APOL5: variants seen among roughly 807,000 people sequenced by gnomAD.
APOL5 encodes the protein apolipoprotein L5.
A neutral mutation model predicts 35.5 loss-of-function variants in APOL5; 29 were observed. The observed-to-expected ratio is 0.82, with a 90% confidence interval of 0.61 to 1.11. The LOEUF is 1.11. Among genes scored for constraint, APOL5 ranks in the 50% most tolerant of loss-of-function variants. APOL5 has a pLI of 0.00. For missense variants in APOL5, 514 were observed against 530.4 expected (o/e 0.97, Z 0.30); for synonymous variants, 188 against 200.2 (o/e 0.94, Z 0.51).
rs1371751964 is a variant in APOL5 at position 35,726,485 on chromosome 22, G to T, written c.417G>T (p.Leu139=). 3.1e-6 allele frequency: 5 copies of T among 1,614,076 alleles called. No homozygotes were observed. The highest frequency in any genetic ancestry group is 4.2e-6 in the Non-Finnish European group (5 of 1,180,046). The change falls in exon 3 of 5, where the codon CTG becomes CTT. Residue 139 remains leucine (L), a synonymous_variant. Transcript: ENST00000249044. ...ACGAGTTGCTTACCAAGACCAGCCTGGTGGCCAGCTCTTCCGGGGCTGTTT... is the reference window on the plus strand; with the variant it reads ...ACGAGTTGCTTACCAAGACCAGCCTTGTGGCCAGCTCTTCCGGGGCTGTTT... ...TTHELLTKTS[L]VASSSGAVSG...
At chr22:35,725,327 G>A (rs1327835228) in intron 2 of APOL5, among the ~76,000 whole-genome samples, 1 of 151,990 alleles carries the variant, frequency 6.6e-6, no homozygotes, top group African/African-American at 2.4e-5. Flanking sequence ...GTGCAGTGGC[G>A]CTATTTCGGC....
rs769428704 is a variant in APOL5 at position 35,726,989 on chromosome 22, G to A, written c.921G>A (p.Met307Ile). 2.5e-6 allele frequency: 4 copies of A among 1,614,174 alleles called. No individual in the cohort carries two copies. Among genetic ancestry groups the A allele is most frequent in the African/African-American group, 1.3e-5 (1 of 75,060 alleles). ...CTGGCTTCTTACTTATGAAAGACAT[G>A]AGCAGCTTCCTGCAGAGCTGGAAGC... ...AGAGFLLMKD[M>I]SSFLQSWKHL... The change falls in exon 3 of 5, where the codon ATG becomes ATA. Residue 307 changes from methionine (M) to isoleucine (I), a missense_variant. Met to Ile is a conservative substitution (Grantham distance 10). Coordinates refer to ENST00000249044, the MANE Select transcript of APOL5 (RefSeq NM_030642.1).
chr22:35,727,091 C>A lies in APOL5; in HGVS notation c.1023C>A (p.Asp341Glu). The A allele has an allele frequency of 6.2e-7, 1 of 1,612,040 alleles. No individual in the cohort carries two copies. Among genetic ancestry groups the A allele is most frequent in the Non-Finnish European group, 8.5e-7 (1 of 1,180,002 alleles). Reference protein sequence around the residue: ...ALAKKLEQELDRLTQHHRHLP... With the variant: ...ALAKKLEQELERLTQHHRHLP... Reference sequence around the variant, plus strand: ...CTAAGAAGCTGGAGCAGGAGCTGGACCGGCTCACCCAGCACCACCGGCACC... The same window carrying A: ...CTAAGAAGCTGGAGCAGGAGCTGGAACGGCTCACCCAGCACCACCGGCACC... The change falls in exon 3 of 5, where the codon GAC becomes GAA. Residue 341 changes from aspartate to glutamate, a missense_variant. By Grantham distance (45) the Asp-to-Glu change is conservative. Coordinates refer to ENST00000249044, the MANE Select transcript of APOL5 (RefSeq NM_030642.1).
At chr22:35,710,923 T>C in the APOL5 span, among the ~76,000 whole-genome samples, 5 of 152,166 alleles carry the variant, frequency 3.3e-5, no homozygotes, top group Non-Finnish European at 7.3e-5. Context: ...TCCCAACACT[T>C]TGGGAGGCCA....
chr22:35,717,235 A>AAATATATATATATATAT, upstream of APOL5, among the ~76,000 whole-genome samples: 5 of 57,660 alleles, frequency 8.7e-5, no homozygotes, highest in African/African-American at 4.0e-4. Context: ...AAAAAAAAAA[A>AAATATATATATATATAT]ATATATATAT....
intron 4 of APOL5, 149 bp downstream of exon 4, chr22:35,729,053 C>A: frequency 1.2e-6 from 1 of 844,252 alleles, no homozygotes; most frequent in Non-Finnish European, 1.7e-6. Flanking sequence ...CCTGCCACGC[C>A]ACCTGGTGCC....
At chr22:35,728,975 T>G in intron 4 of APOL5, 71 bp downstream of exon 4, 1 of 1,446,020 alleles carries the variant, frequency 6.9e-7, no homozygotes, top group Non-Finnish European at 9.1e-7. Context: ...CTTGGGTGGG[T>G]GGGCTTCAGG....
At chr22:35,711,622 C>CCTTCCTTCCTTCCTTCCTTT in the APOL5 span, among the ~76,000 whole-genome samples, 10 of 146,034 alleles carry the variant, frequency 6.8e-5, no homozygotes, top group African/African-American at 2.3e-4. Context: ...TTCCTTCCTT[C>CCTTCCTTCCTTCCTTCCTTT]CTTCCTTCCT....
intron 2 of APOL5, among the ~76,000 whole-genome samples, chr22:35,721,970 G>A (rs559246854): frequency 2.6e-5 from 4 of 152,278 alleles, no homozygotes; most frequent in South Asian, 2.1e-4. Context: ...GGTTGCCTGC[G>A]CTTTCAGACA....
At chr22:35,718,336 G>A (rs1258141713) in intron 1 of APOL5, among the ~76,000 whole-genome samples, 4 of 152,296 alleles carry the variant, frequency 2.6e-5, no homozygotes, top group Non-Finnish European at 4.4e-5. Context: ...CCCAAAGCAC[G>A]GTTGGGCGCA....
intron 2 of APOL5, among the ~76,000 whole-genome samples, chr22:35,720,920 A>AT (rs965434282): frequency 6.6e-6 from 1 of 151,860 alleles, no homozygotes; most frequent in Non-Finnish European, 1.5e-5. Flanking sequence ...TAATTTTTAT[A>AT]TTTTTTGTAG....
In APOL5 at chr22:35,726,596, G is replaced by A; in HGVS notation, c.528G>A (p.Leu176=). ...SLMLSATGTG[L]GAAAAITNIV... is the part of the protein sequence containing the mutation. Reference sequence around the variant, plus strand: ...TGCTCTCAGCAACTGGGACAGGGTTGGGGGCAGCAGCTGCCATCACCAACA... The same window carrying A: ...TGCTCTCAGCAACTGGGACAGGGTTAGGGGCAGCAGCTGCCATCACCAACA... The change falls in exon 3 of 5, where the codon TTG becomes TTA. Residue 176 remains leucine (L), a synonymous_variant. Coordinates refer to ENST00000249044, the MANE Select transcript of APOL5 (RefSeq NM_030642.1). The A allele has an allele frequency of 6.2e-7, 1 of 1,614,166 alleles. No homozygotes were observed. The highest frequency in any genetic ancestry group is 8.5e-7 in the Non-Finnish European group (1 of 1,180,018).
At chr22:35,724,318 T>G (rs1222382364) in intron 2 of APOL5, among the ~76,000 whole-genome samples, 1 of 147,384 alleles carries the variant, frequency 6.8e-6, no homozygotes. Flanking sequence ...TCTCCTTAAA[T>G]CCTGTTTCCC....
chr22:35,711,549 G>A, the APOL5 span, among the ~76,000 whole-genome samples: 11 of 147,596 alleles, frequency 7.5e-5, no homozygotes, highest in Non-Finnish European at 1.0e-4. Context: ...CACTCCCACC[G>A]GCAATTCACA....
chr22:35,725,490 T>A (rs1927116404), intron 2 of APOL5, among the ~76,000 whole-genome samples: 1 of 152,044 alleles, frequency 6.6e-6, no homozygotes, highest in African/African-American at 2.4e-5. Context: ...CCTGACCCTG[T>A]GATCCGCTCG....
At position 35,726,862 on chromosome 22, in the gene APOL5, A is replaced by C; in HGVS notation, c.794A>C (p.Lys265Thr). ...GCTATGGTCAAGAATTTTGTGGCCA[A>C]GAGACACATCCCTTTCTGGACGGCT... is the stretch of plus-strand genomic sequence containing the variant. ...FMAMVKNFVA[K>T]RHIPFWTARG... Residue 265 changes from lysine (K) to threonine (T), a missense_variant, in exon 3 of 5, where the codon AAG becomes ACG. Lys to Thr is a moderately conservative substitution (Grantham distance 78, BLOSUM62 -1). This residue lies in a region of APOL5 where 238 missense variants were observed against 229.1 expected (regional missense o/e 1.04). Coordinates refer to ENST00000249044, the MANE Select transcript of APOL5 (RefSeq NM_030642.1). 1.2e-6 allele frequency: 2 copies of C among 1,614,236 alleles called. No homozygotes were observed. Among genetic ancestry groups the C allele is most frequent in the Non-Finnish European group, 1.7e-6 (2 of 1,180,040 alleles).
Position 35,729,457 on chromosome 22 carries a change from C to T in APOL5, c.*110C>T, listed in dbSNP as rs1927291411. 6.6e-6 allele frequency: 1 copy of T among 152,104 alleles called. No individual in the cohort carries two copies. The highest frequency in any genetic ancestry group is 1.5e-5 in the Non-Finnish European group (1 of 68,090). 9.4% of individuals were successfully genotyped at this position (152,104 alleles called of 1,614,324 possible). ...GAAACTTCTAGTGGCAATGATAAAA[C>T]CAGCAGCAATGATAATAGAAGGCAA... is the stretch of plus-strand genomic sequence containing the variant. On this transcript the variant is annotated 3_prime_UTR_variant, in exon 5 of 5. Transcript: ENST00000249044.
the APOL5 span, among the ~76,000 whole-genome samples, chr22:35,711,985 G>A: frequency 6.6e-6 from 1 of 151,260 alleles, no homozygotes. Context: ...TTCTGTTGTT[G>A]TTGTGTTTTG....
upstream of APOL5, among the ~76,000 whole-genome samples, chr22:35,714,114 C>T (rs956779180): frequency 6.6e-6 from 1 of 152,094 alleles, no homozygotes; most frequent in African/African-American, 2.4e-5. Context: ...GAGTTTAAGA[C>T]CAGCTTGGCC....
Sources: allele counts gnomAD v4.1 joint callset (sites outside exome capture counted in the v4.1 genomes callset), GRCh38; gene constraint gnomAD v4.1.1; regional missense constraint gnomAD v4.1.1; transcripts MANE v1.5; gene names NCBI Gene and HGNC (gene_info 2026-07-23, HGNC 2026-07-21).